Variants in HDAC9 observed in about 807,000 individuals in gnomAD.
The protein encoded by HDAC9 is MEF-2 interacting transcription repressor (MITR) protein.
A neutral mutation model predicts 139.4 loss-of-function variants in HDAC9; 41 were observed. The observed-to-expected ratio is 0.29, with a 90% CI of 0.23 to 0.38. The LOEUF is 0.38. Among genes scored for constraint, HDAC9 ranks in the 10% least tolerant of loss-of-function variants. HDAC9 has a pLI of 1.00. For missense variants in HDAC9, 1,147 were observed against 1,297.0 expected, an observed-to-expected ratio of 0.88 and a Z score of 1.78; for synonymous variants, 517 against 476.2, an observed-to-expected ratio of 1.09 and a Z score of -1.12.
intron 15 of HDAC9, among the ~76,000 whole-genome samples, chr7:18,766,652 A>G (rs953752421): frequency 1.1e-4 from 16 of 152,142 alleles, no homozygotes; most frequent in Admixed American, 6.5e-5. Context: ...ATTTGAGAAG[A>G]TATGTTAATA....
intron 1 of HDAC9, among the ~76,000 whole-genome samples, chr7:18,397,711 A>G (rs1429178601): frequency 1.3e-5 from 2 of 152,208 alleles, no homozygotes; most frequent in Admixed American, 1.3e-4. Context: ...ATGGAAATAC[A>G]TTCTCTATGA....
chr7:18,347,035 G>A lies in HDAC9; in HGVS notation c.-42+56520G>A, dbSNP rs573660881. 5.9e-5 allele frequency among the ~76,000 whole-genome samples: 9 copies of A among 152,176 alleles called. No individual in the cohort carries two copies. The South Asian group carries it at 1.9e-3, about 32-fold the overall frequency. On this transcript the variant is annotated intron_variant, in intron 1 of 3. Transcript: ENST00000413509. ...TTTCTTTATATTGTACCATGGGATG[G>A]GGGTTTTAAAAGTTGTTCATATTTG...
chr7:18,599,305 TA>T (rs1456948166), intron 6 of HDAC9, among the ~76,000 whole-genome samples: 1 of 152,192 alleles, frequency 6.6e-6, no homozygotes, highest in Non-Finnish European at 1.5e-5. Context: ...ATTGATACAT[TA>T]TTGTTAATGC....
intron 2 of HDAC9, among the ~76,000 whole-genome samples, chr7:18,549,319 A>G (rs1816292941): frequency 6.6e-6 from 1 of 152,114 alleles, no homozygotes; most frequent in South Asian, 2.1e-4. Context: ...AAAAATTAAA[A>G]CTTATGTTCG....
At chr7:18,497,192 C>CT (rs1797169115) in intron 2 of HDAC9, among the ~76,000 whole-genome samples, 1 of 152,106 alleles carries the variant, frequency 6.6e-6, no homozygotes, top group African/African-American at 2.4e-5. Flanking sequence ...TTTGGGAACT[C>CT]TTTGTTTCTG....
intron 1 of HDAC9, among the ~76,000 whole-genome samples, chr7:18,329,535 CA>C (rs1401340224): frequency 2.2e-5 from 3 of 137,558 alleles, no homozygotes; most frequent in African/African-American, 8.1e-5. Flanking sequence ...GATTAGTAAA[CA>C]AAAGAAATGT....
intron 1 of HDAC9, among the ~76,000 whole-genome samples, chr7:18,481,415 A>G (rs757817896): frequency 1.6e-4 from 24 of 152,192 alleles, no homozygotes; most frequent in Non-Finnish European, 2.6e-4. Context: ...TTCAAAAATT[A>G]CAAATAATGG....
intron 1 of HDAC9, among the ~76,000 whole-genome samples, chr7:18,468,744 A>C (rs1223678781): frequency 6.6e-6 from 1 of 152,192 alleles, no homozygotes; most frequent in African/African-American, 2.4e-5. Context: ...TAAATTCATG[A>C]ATGAATGGGA....
chr7:18,953,199 T>C (rs553246834), intron 23 of HDAC9, among the ~76,000 whole-genome samples: 1 of 152,188 alleles, frequency 6.6e-6, no homozygotes, highest in East Asian at 1.9e-4. Flanking sequence ...TGATCACCAG[T>C]TCTTATTTGA....
At chr7:18,156,306 T>G (rs1221717121) in intron 1 of HDAC9, among the ~76,000 whole-genome samples, 2 of 152,166 alleles carry the variant, frequency 1.3e-5, no homozygotes, top group Non-Finnish European at 2.9e-5. Context: ...CCTATCTTGG[T>G]CAACATATTT....
At chr7:18,464,488 T>C (rs1794103806) in intron 1 of HDAC9, among the ~76,000 whole-genome samples, 1 of 152,054 alleles carries the variant, frequency 6.6e-6, no homozygotes, top group East Asian at 1.9e-4. Context: ...TTCATCTGTG[T>C]CATCTTGATT....
chr7:18,180,492 C>T lies in HDAC9; in HGVS notation c.25+18143C>T, dbSNP rs538891459. Reference sequence around the variant, plus strand: ...TGATCATTTTACAATTTCCATCCTGCGGCCATATGAGAGGTTGTATTTGGT... The same window carrying T: ...TGATCATTTTACAATTTCCATCCTGTGGCCATATGAGAGGTTGTATTTGGT... On this transcript the variant is annotated intron_variant, in intron 2 of 12. Coordinates refer to the HDAC9 transcript ENST00000417496. Among the ~76,000 whole-genome samples, 16 of 151,882 alleles carry T rather than the reference C, an allele frequency of 1.1e-4. No homozygotes were observed. The East Asian group carries it at 2.7e-3, about 26-fold the overall frequency.
At chr7:18,192,815 G>A (rs922768364) in intron 2 of HDAC9, among the ~76,000 whole-genome samples, 2 of 152,176 alleles carry the variant, frequency 1.3e-5, no homozygotes, top group African/African-American at 2.4e-5. Flanking sequence ...GAGACTGCAT[G>A]AGTTTTATAT....
chr7:18,730,906 C>A (rs1005979286), intron 13 of HDAC9, among the ~76,000 whole-genome samples: 3 of 152,130 alleles, frequency 2.0e-5, no homozygotes, highest in Non-Finnish European at 4.4e-5. Context: ...TACTCTTGCA[C>A]TTTGGAGCCA....
At chr7:18,185,361 A>G (rs1789823222) in intron 2 of HDAC9, among the ~76,000 whole-genome samples, 1 of 152,218 alleles carries the variant, frequency 6.6e-6, no homozygotes, top group East Asian at 1.9e-4. Context: ...TTAAACCTCC[A>G]AGGTAATTAT....
intron 2 of HDAC9, among the ~76,000 whole-genome samples, chr7:18,251,540 C>T (rs1440931905): frequency 2.0e-5 from 3 of 151,662 alleles, no homozygotes. Flanking sequence ...GAAAAAAATA[C>T]AAAAAAAATT....
intron 1 of HDAC9, among the ~76,000 whole-genome samples, chr7:18,300,631 A>G (rs1209902115): frequency 6.6e-6 from 1 of 152,192 alleles, no homozygotes; most frequent in Non-Finnish European, 1.5e-5. Context: ...TCAGTTTGCA[A>G]TTATCTTCCC....
chr7:18,099,276 A>G (rs1269202215), intron 1 of HDAC9, among the ~76,000 whole-genome samples: 2 of 152,134 alleles, frequency 1.3e-5, no homozygotes, highest in South Asian at 2.1e-4. Context: ...CCTGGCCAAC[A>G]TGGTGAAATC....
intron 2 of HDAC9, among the ~76,000 whole-genome samples, chr7:18,227,447 C>T (rs1364127230): frequency 2.0e-5 from 3 of 152,106 alleles, no homozygotes; most frequent in African/African-American, 7.2e-5. Flanking sequence ...TGACATTGAA[C>T]TTGCTAAAAT....
Sources: gnomAD v4.1 joint callset for allele counts (sites outside exome capture counted in the v4.1 genomes callset) on GRCh38, gnomAD v4.1.1 for gene constraint, MANE v1.5 for transcripts, NCBI Gene and HGNC (gene_info 2026-07-23, HGNC 2026-07-21) for gene names.